Variants in PLEKHM3 observed in about 807,000 individuals in gnomAD.
PLEKHM3 encodes pleckstrin homology domain containing M3.
In PLEKHM3, 45 loss-of-function variants were observed where a neutral mutation model predicts 81.8. The ratio of observed to expected loss-of-function variants is 0.55; its 90% CI spans 0.43 to 0.71. The LOEUF is 0.71. PLEKHM3 is among the 30% of genes least tolerant of loss of function. PLEKHM3 has a pLI of 0.00. For synonymous variants in PLEKHM3, 352 were observed against 356.4 expected (o/e 0.99, Z 0.14); for missense variants, 788 against 924.3 (o/e 0.85, Z 1.91).
At position 207,979,272 on chromosome 2, in the gene PLEKHM3, C is replaced by T. The variant is rs181493686; in HGVS notation, c.611-1686G>A. ...ACATCCAGTCAGGCGCAGTGGCTCA[C>T]GCCTGTAATCCCAGCACTTTGGGAA... On this transcript the variant is annotated intron_variant, in intron 2 of 7. Transcript: ENST00000427836. Among the ~76,000 whole-genome samples, 18 of 152,272 alleles carry T rather than the reference C, an allele frequency of 1.2e-4. No individual in the cohort carries two copies. In the East Asian group the frequency reaches 2.5e-3, roughly 21 times the overall value.
chr2:207,863,537 T>C lies in PLEKHM3; in HGVS notation c.1951-2275A>G, dbSNP rs545029841. On this transcript the variant is annotated intron_variant, in intron 6 of 7. Coordinates refer to ENST00000427836, the MANE Select transcript of PLEKHM3 (RefSeq NM_001080475.3). ...AAATAAAATCAAGTGCTAGACACACTGGCTGCCACTAAGGCACTAGCTTCG... is the reference window on the plus strand; with the variant it reads ...AAATAAAATCAAGTGCTAGACACACCGGCTGCCACTAAGGCACTAGCTTCG... Among the ~76,000 whole-genome samples the C allele has an allele frequency of 4.6e-5, 7 of 152,366 alleles. No individual in the cohort carries two copies. In the East Asian group the frequency reaches 9.6e-4, roughly 21 times the overall value.
intron 3 of PLEKHM3, among the ~76,000 whole-genome samples, chr2:207,963,154 G>T (rs536032931): frequency 6.6e-5 from 10 of 152,120 alleles, no homozygotes; most frequent in African/African-American, 2.4e-4. Flanking sequence ...GTGTTTTTGA[G>T]AAAGTAACAT....
intron 2 of PLEKHM3, among the ~76,000 whole-genome samples, chr2:207,993,887 T>G (rs1238933994): frequency 6.6e-6 from 1 of 152,176 alleles, no homozygotes; most frequent in Non-Finnish European, 1.5e-5. Context: ...AGAAGTAGAG[T>G]TACAAGACAC....
intron 2 of PLEKHM3, among the ~76,000 whole-genome samples, chr2:207,997,050 A>C (rs1488083829): frequency 1.3e-5 from 2 of 152,160 alleles, no homozygotes; most frequent in Non-Finnish European, 2.9e-5. Flanking sequence ...GTGATTAAGA[A>C]ACCTGCCTTA....
chr2:208,014,642 T>G (rs894410384), intron 1 of PLEKHM3, among the ~76,000 whole-genome samples: 1 of 152,142 alleles, frequency 6.6e-6, no homozygotes, highest in African/African-American at 2.4e-5. Flanking sequence ...AGACTCCATC[T>G]CAAAAAACAA....
At chr2:207,937,934 A>C (rs1247664920) in intron 4 of PLEKHM3, among the ~76,000 whole-genome samples, 1 of 152,248 alleles carries the variant, frequency 6.6e-6, no homozygotes, top group African/African-American at 2.4e-5. Flanking sequence ...ATTTGTTCTC[A>C]GAATCTCCAA....
In PLEKHM3 at chr2:208,023,168, A is replaced by G. The variant is rs528165623; in HGVS notation, c.-319+2221T>C. 1.4e-4 allele frequency among the ~76,000 whole-genome samples: 21 copies of G among 150,984 alleles called. No homozygotes were observed. The South Asian group carries it at 4.2e-3, about 30-fold the overall frequency. ...TATTAACCTTTTTTTTTTTTATGAC[A>G]TGGTCTTGCTCTGTTGCCCAGGCTG... On this transcript the variant is annotated intron_variant, in intron 1 of 7. Transcript: ENST00000427836.
intron 6 of PLEKHM3, among the ~76,000 whole-genome samples, chr2:207,871,390 C>G (rs1245545681): frequency 6.6e-6 from 1 of 152,088 alleles, no homozygotes; most frequent in Non-Finnish European, 1.5e-5. Flanking sequence ...CTGATCCTCT[C>G]CCAAAGGTGA....
At chr2:207,957,313 T>C (rs1690547520) in intron 3 of PLEKHM3, among the ~76,000 whole-genome samples, 1 of 152,228 alleles carries the variant, frequency 6.6e-6, no homozygotes, top group Non-Finnish European at 1.5e-5. Context: ...TTGATATACT[T>C]GATATCAAAT....
At chr2:207,875,817 AAACAAC>A (rs368508005) in intron 6 of PLEKHM3, among the ~76,000 whole-genome samples, 9 of 151,896 alleles carry the variant, frequency 5.9e-5, no homozygotes, top group Admixed American at 5.3e-4. Context: ...TAAAAAAAGC[AAACAAC>A]AACAACAACA....
chr2:208,014,586 G>T, intron 1 of PLEKHM3, among the ~76,000 whole-genome samples: 1 of 152,278 alleles, frequency 6.6e-6, no homozygotes, highest in African/African-American at 2.4e-5. Flanking sequence ...AGAGGTTGCA[G>T]TGGGCTAAGA....
intron 4 of PLEKHM3, 148 bp from the exon 5 acceptor site, chr2:207,931,267 A>G (rs1311683498): frequency 1.3e-6 from 1 of 779,438 alleles, no homozygotes; most frequent in East Asian, 3.0e-5. Context: ...AATTAAATGT[A>G]AATTTTGACT....
chr2:207,907,299 C>T (rs573015307), intron 6 of PLEKHM3, among the ~76,000 whole-genome samples: 111 of 152,064 alleles, frequency 7.3e-4, no homozygotes, highest in Non-Finnish European at 1.3e-3. Context: ...GTCAGGAGTT[C>T]GAGACCAGCC....
intron 6 of PLEKHM3, among the ~76,000 whole-genome samples, chr2:207,872,342 G>T (rs1272854216): frequency 6.6e-6 from 1 of 152,144 alleles, no homozygotes; most frequent in Non-Finnish European, 1.5e-5. Flanking sequence ...ATCTGAACTG[G>T]ATCTGCCTTT....
chr2:207,837,632 C>CTTT (rs756408346), intron 7 of PLEKHM3, among the ~76,000 whole-genome samples: 3,168 of 105,932 alleles, frequency 0.03, 512 homozygotes, highest in African/African-American at 0.1. Flanking sequence ...ATAGTTCTCC[C>CTTT]TTTTTTTTTT....
intron 2 of PLEKHM3, among the ~76,000 whole-genome samples, chr2:207,992,434 TTAA>T (rs1225517995): frequency 6.6e-6 from 1 of 152,198 alleles, no homozygotes; most frequent in Admixed American, 6.5e-5. Flanking sequence ...ACTGACAGTA[TTAA>T]TAATAACAAA....
chr2:207,841,106 C>T (rs977555773), intron 7 of PLEKHM3, among the ~76,000 whole-genome samples: 4 of 151,858 alleles, frequency 2.6e-5, no homozygotes, highest in African/African-American at 9.7e-5. Flanking sequence ...GACGCCCGGA[C>T]AACTCTTTAC....
At chr2:208,020,031 C>T (rs1157118762) in intron 1 of PLEKHM3, among the ~76,000 whole-genome samples, 2 of 152,212 alleles carry the variant, frequency 1.3e-5, no homozygotes, top group African/African-American at 2.4e-5. Context: ...AGTTATATTT[C>T]TGATGTTTCT....
chr2:207,931,066 G>A lies in PLEKHM3; in HGVS notation c.1746C>T (p.Ile582=), dbSNP rs1163779238. Residue 582 remains isoleucine (I), a synonymous_variant, in exon 5 of 8, where the codon ATC becomes ATT. Coordinates refer to ENST00000427836, the MANE Select transcript of PLEKHM3 (RefSeq NM_001080475.3). The part of the protein sequence containing the change: ...FLEYVYEEPL[I]DIQQENAMLY... Reference sequence around the variant, plus strand: ...GCATGGCGTTCTCCTGCTGGATGTCGATGAGCGGCTCTTCGTACACGTACT... The same window carrying A: ...GCATGGCGTTCTCCTGCTGGATGTCAATGAGCGGCTCTTCGTACACGTACT... 5.0e-6 allele frequency: 8 copies of A among 1,614,054 alleles called. No individual in the cohort carries two copies. Among genetic ancestry groups the A allele is most frequent in the Non-Finnish European group, 6.8e-6 (8 of 1,179,918 alleles).
Sources: allele counts gnomAD v4.1 joint callset (sites outside exome capture counted in the v4.1 genomes callset), GRCh38; gene constraint gnomAD v4.1.1; transcripts MANE v1.5; gene names NCBI Gene and HGNC (gene_info 2026-07-23, HGNC 2026-07-21).